The following MYO5C variants were observed in gnomAD, a reference collection of about 807,000 sequenced individuals.
The protein encoded by MYO5C is unconventional myosin-Vc.
A neutral mutation model predicts 235.7 loss-of-function variants in MYO5C; 194 were observed. That is an observed-to-expected ratio of 0.82 (90% confidence interval 0.73 to 0.93). The LOEUF (loss-of-function observed/expected upper bound fraction) is 0.93. Among genes scored for constraint, MYO5C ranks in the 40% least tolerant of loss-of-function variants. The pLI is 0.00. For missense variants in MYO5C, 2,038 were observed against 2,127.2 expected (o/e 0.96, Z 0.82); for synonymous variants, 707 against 754.8 (o/e 0.94, Z 1.04).
At chr15:52,222,090 T>C (rs146687106) in intron 29 of MYO5C, among the ~76,000 whole-genome samples, 116 of 152,316 alleles carry the variant, frequency 7.6e-4, no homozygotes, top group African/African-American at 2.5e-3. Flanking sequence ...ATGTAAGCAT[T>C]CTGAGCACGT....
At chr15:52,231,383 CA>C (rs2141300853) in intron 24 of MYO5C, among the ~76,000 whole-genome samples, 1 of 152,204 alleles carries the variant, frequency 6.6e-6, no homozygotes, top group South Asian at 2.1e-4. Context: ...GCAAACAGCC[CA>C]AAATGACCTG....
intron 40 of MYO5C, 125 bp from the exon 41 acceptor site, chr15:52,194,179 G>T: frequency 1.2e-6 from 1 of 832,034 alleles, no homozygotes; most frequent in Non-Finnish European, 1.8e-6. Context: ...CACATGAAAT[G>T]ACATACATGA....
In MYO5C at chr15:52,295,693, G is replaced by C. The variant is rs371802093; in HGVS notation, c.-57C>G. On this transcript the variant is annotated 5_prime_UTR_variant, in exon 1 of 41. Transcript: ENST00000261839. Reference sequence around the variant, plus strand: ...GCCGAACGTGCGAGGCTCGGGGGCTGGGCCTGCGCCGCAGAGGCCGGGCGC... The same window carrying C: ...GCCGAACGTGCGAGGCTCGGGGGCTCGGCCTGCGCCGCAGAGGCCGGGCGC... 7.5e-4 allele frequency: 933 copies of C among 1,249,710 alleles called. 10 individuals carry two copies. In the African/African-American group the frequency reaches 0.013, roughly 18 times the overall value. The allele number at this position is 1,249,710 out of a possible 1,614,324, so 77.4% of individuals were successfully genotyped here. A position where few individuals can be genotyped will look rare whatever the true frequency, so the allele number is the denominator to read the frequency against.
intron 35 of MYO5C, among the ~76,000 whole-genome samples, chr15:52,210,271 G>C (rs559588579): frequency 6.6e-6 from 1 of 152,114 alleles, no homozygotes; most frequent in African/African-American, 2.4e-5. Context: ...GCCTTCCCTA[G>C]AGTATTTAAA....
chr15:52,203,846 T>C (rs1253573928), intron 38 of MYO5C, among the ~76,000 whole-genome samples: 3 of 152,160 alleles, frequency 2.0e-5, no homozygotes, highest in Non-Finnish European at 4.4e-5. Context: ...TTCAATTGTT[T>C]TAATTTCTAG....
rs373001656 is a variant in MYO5C at position 52,264,308 on chromosome 15, C to T, written c.941-12G>A. 19 of 1,599,688 alleles carry T rather than the reference C, an allele frequency of 1.2e-5. No individual in the cohort carries two copies. In the African/African-American group the frequency reaches 2.3e-4, roughly 19 times the overall value. Reference sequence around the variant, plus strand: ...ATCCTCCTTGAAACCTAAAAACAAACATTTTCCCAGATTAGAATACTGCAT... The same window carrying T: ...ATCCTCCTTGAAACCTAAAAACAAATATTTTCCCAGATTAGAATACTGCAT... On this transcript the variant is annotated splice_polypyrimidine_tract_variant and intron_variant, in intron 8 of 40. Transcript: ENST00000261839.
chr15:52,213,149 A>C (rs1229142682), intron 34 of MYO5C, 39 bp downstream of exon 34: 1 of 1,550,412 alleles, frequency 6.4e-7, no homozygotes, highest in Admixed American at 1.7e-5. Flanking sequence ...GCAAGTTCTC[A>C]AAGAGAAAGC....
chr15:52,246,117 C>T, intron 16 of MYO5C, 75 bp from the exon 17 acceptor site: 2 of 1,157,520 alleles, frequency 1.7e-6, no homozygotes, highest in Non-Finnish European at 2.6e-6. Flanking sequence ...CACAGCAGAC[C>T]TGGCTAGACT....
chr15:52,282,768 G>A lies in MYO5C; in HGVS notation c.138+14C>T, dbSNP rs529905266. 5.1e-6 allele frequency: 8 copies of A among 1,555,876 alleles called. No individual in the cohort carries two copies. In the African/African-American group the frequency reaches 1.1e-4, roughly 21 times the overall value. On this transcript the variant is annotated intron_variant, in intron 2 of 40. Coordinates refer to ENST00000261839, the MANE Select transcript of MYO5C (RefSeq NM_018728.4). ...TTACACATCGACGTAGCTGTGAACA[G>A]CAAGGACCCTCACCGTTCCATCCTC...
rs2036240005 is a variant in MYO5C, at chr15:52,242,165, G to A, written c.2439C>T (p.Ile813=). 1 of 1,614,084 alleles carries A rather than the reference G, an allele frequency of 6.2e-7. No homozygotes were observed. Among genetic ancestry groups the A allele is most frequent in the East Asian group, 2.2e-5 (1 of 44,892 alleles). The change falls in exon 20 of 41, where the codon ATC becomes ATT. Residue 813 remains isoleucine (I), a synonymous_variant. Coordinates refer to ENST00000261839, the MANE Select transcript of MYO5C (RefSeq NM_018728.4). ...VALKEAWAAI[I]IQKHCRGYLV... Reference sequence around the variant, plus strand: ...GATACCCGCGGCAGTGCTTCTGAATGATTATGGCTGCCCAAGCTTCTTTTA... The same window carrying A: ...GATACCCGCGGCAGTGCTTCTGAATAATTATGGCTGCCCAAGCTTCTTTTA...
intron 38 of MYO5C, 114 bp downstream of exon 38, chr15:52,204,751 G>A (rs1312245040): frequency 2.4e-6 from 3 of 1,274,016 alleles, no homozygotes; most frequent in African/African-American, 1.5e-5. Context: ...CAGCAGTAGG[G>A]CCTAAACAGG....
rs1158363103 is a variant in MYO5C, at chr15:52,193,291, G to A, written c.*611C>T. 3 of 138,738 alleles carry A rather than the reference G, an allele frequency of 2.2e-5. No homozygotes were observed. Among genetic ancestry groups the A allele is most frequent in the Non-Finnish European group, 3.0e-5 (2 of 65,630 alleles). The allele number at this position is 138,738 out of a possible 1,614,324, so 8.6% of individuals were successfully genotyped here. ...TCATGCCACTACACTCCAGCCTGGC[G>A]ATAGAGCGAGACTCCGGAGTCTCAA... On this transcript the variant is annotated 3_prime_UTR_variant, in exon 41 of 41. Transcript: ENST00000261839.
intron 13 of MYO5C, among the ~76,000 whole-genome samples, chr15:52,249,269 G>A (rs2036420768): frequency 6.6e-6 from 1 of 152,164 alleles, no homozygotes; most frequent in Non-Finnish European, 1.5e-5. Context: ...CAGGTTTAGA[G>A]TGGGTCAACC....
intron 38 of MYO5C, among the ~76,000 whole-genome samples, chr15:52,197,292 G>A (rs895215230): frequency 2.0e-4 from 31 of 152,224 alleles, no homozygotes; most frequent in African/African-American, 7.5e-4. Context: ...CATGCAATGG[G>A]GTATTATTCA....
chr15:52,260,692 A>G (rs2036674637), intron 10 of MYO5C, among the ~76,000 whole-genome samples, 170 bp downstream of exon 10: 1 of 152,208 alleles, frequency 6.6e-6, no homozygotes, highest in Non-Finnish European at 1.5e-5. Flanking sequence ...ACTTTGAATA[A>G]ATGGCACCAT....
At chr15:52,227,067 G>T (rs1596161837) in intron 25 of MYO5C, among the ~76,000 whole-genome samples, 2 of 151,668 alleles carry the variant, frequency 1.3e-5, no homozygotes, top group South Asian at 4.2e-4. Flanking sequence ...CATGAGAATC[G>T]CTTGAACCTG....
At chr15:52,295,030 G>C (rs1249606626) in intron 1 of MYO5C, among the ~76,000 whole-genome samples, 2 of 152,228 alleles carry the variant, frequency 1.3e-5, no homozygotes, top group African/African-American at 4.8e-5. Context: ...TTCAGCTTCT[G>C]ATGAGCCTAC....
At chr15:52,249,792 G>A (rs2036434063) in intron 13 of MYO5C, among the ~76,000 whole-genome samples, 1 of 152,156 alleles carries the variant, frequency 6.6e-6, no homozygotes, top group African/African-American at 2.4e-5. Context: ...CCTCTGTTGG[G>A]GACTCTGGGA....
chr15:52,221,574 C>T (rs1444111942), intron 29 of MYO5C, among the ~76,000 whole-genome samples: 1 of 152,098 alleles, frequency 6.6e-6, no homozygotes, highest in African/African-American at 2.4e-5. Context: ...CGTCTTTGGT[C>T]CAAGCCCAGA....
Sources: gnomAD v4.1 joint callset for allele counts (sites outside exome capture counted in the v4.1 genomes callset) on GRCh38, gnomAD v4.1.1 for gene constraint, MANE v1.5 for transcripts, NCBI Gene and HGNC (gene_info 2026-07-23, HGNC 2026-07-21) for gene names.